Variants in LINGO2 observed in about 807,000 individuals in gnomAD.
LINGO2 encodes the protein leucine rich repeat and Ig domain containing 2.
In LINGO2, 14 loss-of-function variants were observed where a neutral mutation model predicts 30.6. The ratio of observed to expected loss-of-function variants is 0.46; its 90% CI spans 0.30 to 0.72. The LOEUF is 0.72. Ranked by LOEUF, LINGO2 falls within the 30% of genes least tolerant of loss-of-function variation. LINGO2 has a pLI of 0.07. For missense variants in LINGO2, 729 were observed against 751.7 expected, an observed-to-expected ratio of 0.97 and a Z score of 0.35; for synonymous variants, 317 against 288.5, an observed-to-expected ratio of 1.10 and a Z score of -1.00.
At chr9:28,434,707 A>G (rs1415539830) in intron 2 of LINGO2, among the ~76,000 whole-genome samples, 2 of 152,140 alleles carry the variant, frequency 1.3e-5, no homozygotes, top group South Asian at 2.1e-4. Context: ...GAGAAGGCCA[A>G]TACAATCAGA....
intron 4 of LINGO2, among the ~76,000 whole-genome samples, chr9:28,118,741 T>C (rs1166111980): frequency 6.6e-6 from 1 of 152,228 alleles, no homozygotes; most frequent in Non-Finnish European, 1.5e-5. Context: ...TTATTTGTGC[T>C]GTTTTGGAGA....
chr9:29,038,225 C>A, the LINGO2 span, among the ~76,000 whole-genome samples: 1 of 152,012 alleles, frequency 6.6e-6, no homozygotes, highest in African/African-American at 2.4e-5. Flanking sequence ...ATCGGTTATA[C>A]TCCCACCATC....
chr9:28,988,311 G>A, the LINGO2 span, among the ~76,000 whole-genome samples: 12 of 151,738 alleles, frequency 7.9e-5, no homozygotes, highest in African/African-American at 1.9e-4. Flanking sequence ...TACAGTTTTC[G>A]ACTTAAAGTT....
At chr9:28,065,757 A>G (rs545854689) in intron 4 of LINGO2, among the ~76,000 whole-genome samples, 1 of 152,248 alleles carries the variant, frequency 6.6e-6, no homozygotes, top group Admixed American at 6.6e-5. Context: ...TGGGGTTAAT[A>G]CCATCTGTCT....
At chr9:28,338,435 C>T (rs955976155) in intron 3 of LINGO2, among the ~76,000 whole-genome samples, 1 of 152,114 alleles carries the variant, frequency 6.6e-6, no homozygotes, top group Admixed American at 6.5e-5. Context: ...TGAGTTAATG[C>T]TGGAATGAGT....
chr9:29,104,250 A>G, the LINGO2 span, among the ~76,000 whole-genome samples: 1 of 152,054 alleles, frequency 6.6e-6, no homozygotes, highest in African/African-American at 2.4e-5. Flanking sequence ...TGGGGAAGGG[A>G]CCTGTTGGGA....
chr9:28,453,921 T>C (rs1471095299), intron 2 of LINGO2, among the ~76,000 whole-genome samples: 1 of 151,968 alleles, frequency 6.6e-6, no homozygotes, highest in East Asian at 1.9e-4. Context: ...ATATGAATAC[T>C]GACCCATGCC....
At chr9:29,034,391 C>T in the LINGO2 span, among the ~76,000 whole-genome samples, 1 of 151,888 alleles carries the variant, frequency 6.6e-6, no homozygotes, top group Non-Finnish European at 1.5e-5. Context: ...TTTTAATAAC[C>T]TAGCTAGATC....
chr9:28,883,982 T>G, the LINGO2 span, among the ~76,000 whole-genome samples: 1 of 151,852 alleles, frequency 6.6e-6, no homozygotes, highest in Admixed American at 6.6e-5. Flanking sequence ...CCGGCTAGAA[T>G]ATGTTATATT....
At chr9:28,777,916 C>T in the LINGO2 span, among the ~76,000 whole-genome samples, 1 of 152,134 alleles carries the variant, frequency 6.6e-6, no homozygotes, top group Non-Finnish European at 1.5e-5. Flanking sequence ...TTTCTGACAG[C>T]ACATCCCATA....
At chr9:28,495,588 A>G (rs61317430) in intron 1 of LINGO2, among the ~76,000 whole-genome samples, 27,652 of 151,856 alleles carry the variant, frequency 0.18, 2,875 homozygotes, top group East Asian at 0.31. Context: ...CTCTGTTTTG[A>G]TACCAGTACC....
intron 5 of LINGO2, among the ~76,000 whole-genome samples, chr9:27,976,030 T>C (rs905606928): frequency 6.6e-6 from 1 of 152,124 alleles, no homozygotes; most frequent in African/African-American, 2.4e-5. Context: ...GGAATCAGGC[T>C]GGTCCTAGCA....
chr9:28,225,139 T>C (rs1387096666), intron 4 of LINGO2, among the ~76,000 whole-genome samples: 1 of 152,034 alleles, frequency 6.6e-6, no homozygotes, highest in East Asian at 1.9e-4. Context: ...GGATGTGAAG[T>C]TTTGGATGTC....
chr9:28,004,345 G>C (rs542226760), intron 5 of LINGO2, among the ~76,000 whole-genome samples: 3 of 152,216 alleles, frequency 2.0e-5, no homozygotes, highest in South Asian at 2.1e-4. Context: ...AAAAGGTAGA[G>C]ATTTTTATCC....
At chr9:28,045,093 A>G (rs1824356691) in intron 4 of LINGO2, among the ~76,000 whole-genome samples, 1 of 151,956 alleles carries the variant, frequency 6.6e-6, no homozygotes, top group Non-Finnish European at 1.5e-5. Flanking sequence ...AGAAGAGGAA[A>G]AAATTGAGAC....
intron 4 of LINGO2, among the ~76,000 whole-genome samples, chr9:28,187,347 G>A (rs554197734): frequency 1.2e-4 from 19 of 152,060 alleles, no homozygotes; most frequent in African/African-American, 4.1e-4. Flanking sequence ...AAAATCACCT[G>A]AGCATGGTCG....
the LINGO2 span, among the ~76,000 whole-genome samples, chr9:28,676,050 A>G: frequency 6.6e-6 from 1 of 150,668 alleles, no homozygotes; most frequent in Non-Finnish European, 1.5e-5. Context: ...TCCTAACAAA[A>G]TGACATAATA....
the LINGO2 span, among the ~76,000 whole-genome samples, chr9:28,939,441 T>C: frequency 6.6e-6 from 1 of 152,194 alleles, no homozygotes; most frequent in Admixed American, 6.5e-5. Flanking sequence ...TTTTTTCATA[T>C]ACTTGACCAT....
chr9:28,646,864 T>C (rs1052944655), intron 1 of LINGO2, among the ~76,000 whole-genome samples: 1 of 152,136 alleles, frequency 6.6e-6, no homozygotes, highest in African/African-American at 2.4e-5. Flanking sequence ...AGAATTCTAA[T>C]TGATACTTTA....
Sources: allele counts gnomAD v4.1 joint callset (sites outside exome capture counted in the v4.1 genomes callset), GRCh38; gene constraint gnomAD v4.1.1; transcripts MANE v1.5; gene names NCBI Gene and HGNC (gene_info 2026-07-23, HGNC 2026-07-21).